PCDHA2: variants seen among roughly 807,000 people sequenced by gnomAD.
PCDHA2 encodes the protein protocadherin alpha-2.
Under a neutral mutation model 66.0 loss-of-function variants are expected in PCDHA2, and 58 were observed. The observed-to-expected ratio is 0.88, with a 90% CI of 0.71 to 1.09. The LOEUF (loss-of-function observed/expected upper bound fraction) is 1.09. PCDHA2 is among the 50% of genes least tolerant of loss of function. The pLI, the probability that PCDHA2 is intolerant of heterozygous loss-of-function variation, is 0.00. For synonymous variants in PCDHA2, 634 were observed against 554.0 expected, an observed-to-expected ratio of 1.14 and a Z score of -2.03; for missense variants, 1,267 against 1,242.3, an observed-to-expected ratio of 1.02 and a Z score of -0.30.
rs782268949 is a variant in PCDHA2, at chr5:140,797,186, G to A, written c.2222G>A (p.Cys741Tyr). 3.7e-6 allele frequency: 6 copies of A among 1,614,172 alleles called. No individual in the cohort carries two copies. In the South Asian group the frequency reaches 6.6e-5, roughly 18 times the overall value. Residue 741 changes from cysteine (C) to tyrosine (Y), a missense_variant, in exon 1 of 4, where the codon TGC becomes TAC. Cys to Tyr is a radical substitution (Grantham distance 194). Transcript: ENST00000526136. ...ARAPGKPTLV[C>Y]SSAVGSWSYS... is the part of the protein sequence containing the mutation. ...GCGCCAGGAAAGCCCACGCTGGTGT[G>A]CTCCAGCGCCGTGGGGAGCTGGTCT...
chr5:140,994,460 T>C (rs1260062613), intron 3 of PCDHA2, among the ~76,000 whole-genome samples: 1 of 152,124 alleles, frequency 6.6e-6, no homozygotes, highest in African/African-American at 2.4e-5. Context: ...CCCAGCACTT[T>C]GGGAGGCTGA....
chr5:140,841,877 A>T, intron 1 of PCDHA2: 1 of 1,613,820 alleles, frequency 6.2e-7, no homozygotes, highest in Non-Finnish European at 8.5e-7. Flanking sequence ...GAATTCAAAG[A>T]ACGATGAGAA....
chr5:140,816,012 A>C (rs2126668745), intron 1 of PCDHA2: 1 of 152,226 alleles, frequency 6.6e-6, no homozygotes, highest in East Asian at 1.9e-4. Flanking sequence ...CTAAATTCTT[A>C]ACATTTCTTG....
At position 140,836,025 on chromosome 5, in the gene PCDHA2, A is replaced by G. The variant is rs2150250973; in HGVS notation, c.2388+38673A>G. 6 of 1,613,528 alleles carry G rather than the reference A, an allele frequency of 3.7e-6. 1 individual carries two copies. In the South Asian group the frequency reaches 5.5e-5, roughly 15 times the overall value. Reference sequence around the variant, plus strand: ...TGCGGGCGTGCCGCCTCTGGGCAGCAACGTGACGCTGCAGGTGTTCGTGCT... The same window carrying G: ...TGCGGGCGTGCCGCCTCTGGGCAGCGACGTGACGCTGCAGGTGTTCGTGCT... On this transcript the variant is annotated intron_variant, in intron 1 of 3. Coordinates refer to ENST00000526136, the MANE Select transcript of PCDHA2 (RefSeq NM_018905.3).
chr5:140,842,664 T>A lies in PCDHA2; in HGVS notation c.2388+45312T>A. 1.9e-6 allele frequency: 3 copies of A among 1,595,188 alleles called. No homozygotes were observed. In the South Asian group the frequency reaches 3.3e-5, roughly 18 times the overall value. On this transcript the variant is annotated intron_variant, in intron 1 of 3. Transcript: ENST00000526136. The stretch of plus-strand genomic sequence containing the variant: ...AGCTTGTCTGTGGAGGTGGCCGACG[T>A]GAACGACAATGCTCCGGCGTTCGCG...
chr5:140,884,192 G>A, intron 1 of PCDHA2: 1 of 1,613,428 alleles, frequency 6.2e-7, no homozygotes, highest in Non-Finnish European at 8.5e-7. Context: ...CGAGGTGGAC[G>A]CGCCGCACCA....
chr5:140,928,785 G>A, intron 1 of PCDHA2: 1 of 1,614,144 alleles, frequency 6.2e-7, no homozygotes, highest in Middle Eastern at 1.6e-4. Context: ...ATGCAGTTAA[G>A]CAGAGGGTGG....
In PCDHA2 at chr5:140,803,192, G is replaced by A. The variant is rs17844262; in HGVS notation, c.2388+5840G>A. ...CCTCATTGACCGCCACGGCCACTGT[G>A]CTGGTGTCGCTGGTGGAGAGTGGCC... is the stretch of plus-strand genomic sequence containing the variant. On this transcript the variant is annotated intron_variant, in intron 1 of 3. Transcript: ENST00000526136. The A allele has an allele frequency of 5.0e-6, 8 of 1,613,814 alleles. No homozygotes were observed. The South Asian group carries it at 6.6e-5, about 13-fold the overall frequency.
rs782667469 is a variant in PCDHA2, at chr5:140,796,290, C to T, written c.1326C>T (p.Ser442=). Residue 442 remains serine (S), a synonymous_variant, in exon 1 of 4, where the codon TCC becomes TCT. Transcript: ENST00000526136. ...SPSLWATTSV[S]IEVADVNDNA... is the part of the protein sequence containing the mutation. ...CACTGTGGGCCACCACCAGCGTGTC[C>T]ATCGAGGTGGCCGACGTGAACGACA... 1.2e-6 allele frequency: 2 copies of T among 1,614,020 alleles called. No homozygotes were observed. Among genetic ancestry groups the T allele is most frequent in the South Asian group, 1.1e-5 (1 of 91,082 alleles).
intron 1 of PCDHA2, chr5:140,869,761 C>T (rs782673770): frequency 6.2e-7 from 1 of 1,613,150 alleles, no homozygotes; most frequent in Non-Finnish European, 8.5e-7. Context: ...CGGGGGAAAA[C>T]CAGAGCTTAC....
At position 140,850,869 on chromosome 5, in the gene PCDHA2, T is replaced by C. The variant is rs1204218607; in HGVS notation, c.2388+53517T>C. 3.3e-5 allele frequency: 52 copies of C among 1,591,956 alleles called. 5 individuals carry two copies. The highest frequency in any genetic ancestry group is 4.2e-5 in the Non-Finnish European group (49 of 1,163,508). ...AGAGCGAACGGGAGAACCCTCTGCT[T>C]CCTCAGATTCAACTGGGAAGGTGGG... On this transcript the variant is annotated intron_variant, in intron 1 of 3. Coordinates refer to ENST00000526136, the MANE Select transcript of PCDHA2 (RefSeq NM_018905.3).
rs2058926605 is a variant in PCDHA2, at chr5:140,882,051, AC to A, written c.2388+84700del. The A allele has an allele frequency of 7.9e-6, 6 of 757,556 alleles. No homozygotes were observed. The Admixed American group carries it at 1.6e-4, about 20-fold the overall frequency. 46.9% of individuals were successfully genotyped at this position (757,556 alleles called of 1,614,324 possible). A position where few individuals can be genotyped will look rare whatever the true frequency, so the allele number is the denominator to read the frequency against. ...AAAATATGAAGACTGAGTCATACTT[AC>A]ACTTACACGTTCATGCGCATGGTGT... On this transcript the variant is annotated intron_variant, in intron 1 of 3. Coordinates refer to ENST00000526136, the MANE Select transcript of PCDHA2 (RefSeq NM_018905.3).
chr5:140,806,428 A>G (rs1040644619), intron 1 of PCDHA2, among the ~76,000 whole-genome samples: 1 of 152,352 alleles, frequency 6.6e-6, no homozygotes, highest in Middle Eastern at 3.4e-3. Flanking sequence ...ATTATTTGGA[A>G]TGCTTTTCCA....
intron 1 of PCDHA2, chr5:140,822,061 C>A (rs2150113317): frequency 3.1e-6 from 5 of 1,614,168 alleles, no homozygotes; most frequent in Non-Finnish European, 4.2e-6. Flanking sequence ...GGAGCTGTGC[C>A]GGCGGAGGGC....
chr5:140,981,755 A>G (rs868964961), intron 2 of PCDHA2, among the ~76,000 whole-genome samples: 12 of 152,222 alleles, frequency 7.9e-5, no homozygotes, highest in Admixed American at 3.3e-4. Context: ...TTAGTATTAG[A>G]CATACATAAA....
chr5:140,801,210 T>C (rs781998335), intron 1 of PCDHA2: 4 of 1,604,670 alleles, frequency 2.5e-6, no homozygotes, highest in African/African-American at 1.3e-5. Flanking sequence ...GTTGTTCTCC[T>C]GGCGAGAAGA....
intron 1 of PCDHA2, chr5:140,805,178 G>T: frequency 6.7e-7 from 1 of 1,500,578 alleles, no homozygotes; most frequent in Non-Finnish European, 8.9e-7. Flanking sequence ...CTGATGCTAT[G>T]CCAAATAAAT....
intron 1 of PCDHA2, chr5:140,823,597 T>C: frequency 6.2e-7 from 1 of 1,614,008 alleles, no homozygotes; most frequent in East Asian, 2.2e-5. Flanking sequence ...TTGGCTTTCG[T>C]ATGAGCTGCA....
intron 1 of PCDHA2, chr5:140,927,919 C>G (rs782561454): frequency 6.2e-7 from 1 of 1,614,216 alleles, no homozygotes; most frequent in Non-Finnish European, 8.5e-7. Context: ...ACTGGACTTC[C>G]TGACTCTTTC....
Sources: gnomAD v4.1 joint callset for allele counts (sites outside exome capture counted in the v4.1 genomes callset) on GRCh38, gnomAD v4.1.1 for gene constraint, MANE v1.5 for transcripts, NCBI Gene and HGNC (gene_info 2026-07-23, HGNC 2026-07-21) for gene names.